ASB18: variants seen among roughly 807,000 people sequenced by gnomAD.
ASB18 encodes ankyrin repeat and SOCS box protein 18.
Under a neutral mutation model 33.4 loss-of-function variants are expected in ASB18, and 33 were observed. The observed-to-expected ratio is 0.99, with a 90% CI of 0.75 to 1.32. ASB18 has a LOEUF of 1.32. Ranked by LOEUF, ASB18 falls within the 40% of genes most tolerant of loss-of-function variation. The pLI is 0.00. For missense variants in ASB18, 694 were observed against 655.5 expected (o/e 1.06, Z -0.64); for synonymous variants, 295 against 307.6 (o/e 0.96, Z 0.43).
chr2:236,251,942 G>A lies in ASB18; in HGVS notation c.206-10540C>T, dbSNP rs2060670452. ...TCTATACTGAGTTTACATGTACAGA[G>A]CATTTTTCAGGTACAAGAAGCTTAC... is the stretch of plus-strand genomic sequence containing the variant. On this transcript the variant is annotated intron_variant, in intron 1 of 5. Transcript: ENST00000409749. This position sits in a 1 kb window ranked among gnomAD's most constrained non-coding sequence, Gnocchi z 5.3. Among the ~76,000 whole-genome samples, 1 of 152,146 alleles carries A rather than the reference G, an allele frequency of 6.6e-6. No individual in the cohort carries two copies. Among genetic ancestry groups the A allele is most frequent in the Non-Finnish European group, 1.5e-5 (1 of 68,026 alleles).
At position 236,259,530 on chromosome 2, in the gene ASB18, A is replaced by C. The variant is rs1159865411; in HGVS notation, c.205+4611T>G. 1 of 471,064 alleles carries C rather than the reference A, an allele frequency of 2.1e-6. No homozygotes were observed. The highest frequency in any genetic ancestry group is 4.4e-6 in the Non-Finnish European group (1 of 227,034). The allele number at this position is 471,064 out of a possible 1,614,324, so 29.2% of individuals were successfully genotyped here. The stretch of plus-strand genomic sequence containing the variant: ...AGGGAGGATGCACGATTTCTGTCCC[A>C]GTGGGAAGGGATGGCCTTCCAGTGG... On this transcript the variant is annotated intron_variant, in intron 1 of 5. Transcript: ENST00000409749. This position sits in a 1 kb window ranked among gnomAD's most constrained non-coding sequence, Gnocchi z 4.4.
chr2:236,206,294 A>G (rs191175716), intron 4 of ASB18, among the ~76,000 whole-genome samples: 9 of 152,196 alleles, frequency 5.9e-5, no homozygotes, highest in East Asian at 1.9e-4. Flanking sequence ...GTTTAATCCA[A>G]TCATGGTAAA....
rs1254632343 is a variant in ASB18, at chr2:236,244,751, A to G, written c.206-3349T>C. On this transcript the variant is annotated intron_variant, in intron 1 of 5. Coordinates refer to ENST00000409749, the MANE Select transcript of ASB18 (RefSeq NM_212556.4). The surrounding 1 kb of genome is among the most constrained non-coding windows in gnomAD (Gnocchi z 6.1). ...CTTCTATAACTAAGGAGTGCTCAGC[A>G]AAGGGAGACCTTTGATTTTCCTTAC... Among the ~76,000 whole-genome samples the G allele has an allele frequency of 1.3e-5, 2 of 152,202 alleles. No individual in the cohort carries two copies. Among genetic ancestry groups the G allele is most frequent in the African/African-American group, 4.8e-5 (2 of 41,460 alleles).
At position 236,252,914 on chromosome 2, in the gene ASB18, C is replaced by T. The variant is rs367772111; in HGVS notation, c.205+11227G>A. 2.6e-5 allele frequency among the ~76,000 whole-genome samples: 4 copies of T among 152,234 alleles called. No homozygotes were observed. The highest frequency in any genetic ancestry group is 3.2e-3 in the Middle Eastern group (1 of 316). ...CATCACCTAAGAACACTCCTCCCAACGTGGCCAGATCCAGTGATGGATCCA... is the reference window on the plus strand; with the variant it reads ...CATCACCTAAGAACACTCCTCCCAATGTGGCCAGATCCAGTGATGGATCCA... On this transcript the variant is annotated intron_variant, in intron 1 of 5. Transcript: ENST00000409749. This position sits in a 1 kb window ranked among gnomAD's most constrained non-coding sequence, Gnocchi z 7.9.
rs941419940 is a variant in ASB18, at chr2:236,225,152, C to T, written c.597-10286G>A. On this transcript the variant is annotated intron_variant, in intron 3 of 5. Coordinates refer to ENST00000409749, the MANE Select transcript of ASB18 (RefSeq NM_212556.4). The surrounding 1 kb of genome is among the most constrained non-coding windows in gnomAD (Gnocchi z 5.1). ...TTTTTGTTTTTTTAAGACAGAGTCT[C>T]ACTCTGTCACTCAGGTTGCAGTGCA... Among the ~76,000 whole-genome samples, 2 of 152,112 alleles carry T rather than the reference C, an allele frequency of 1.3e-5. No homozygotes were observed. The highest frequency in any genetic ancestry group is 4.1e-4 in the South Asian group (2 of 4,822).
chr2:236,242,349 C>T (rs1038323744), intron 1 of ASB18, among the ~76,000 whole-genome samples: 9 of 152,230 alleles, frequency 5.9e-5, no homozygotes, highest in South Asian at 2.1e-4. Flanking sequence ...TTTCTCCAAG[C>T]GAAGGCGGTG....
At chr2:236,198,981 C>T (rs2060386812) in intron 4 of ASB18, among the ~76,000 whole-genome samples, 1 of 152,140 alleles carries the variant, frequency 6.6e-6, no homozygotes, top group Admixed American at 6.5e-5. Context: ...TAATGTTTCA[C>T]CATAAATATA....
chr2:236,237,663 C>A lies in ASB18; in HGVS notation c.596+26G>T. The stretch of plus-strand genomic sequence containing the variant: ...GTCTGGTCTCGGGGCGGGGCGGACG[C>A]CGCGGGCCTGTCCCGAGGTCCTTAC... On this transcript the variant is annotated intron_variant, in intron 3 of 5. Coordinates refer to ENST00000409749, the MANE Select transcript of ASB18 (RefSeq NM_212556.4). The surrounding 1 kb of genome is among the most constrained non-coding windows in gnomAD (Gnocchi z 6.2). 7.2e-7 allele frequency: 1 copy of A among 1,384,506 alleles called. No homozygotes were observed. Among genetic ancestry groups the A allele is most frequent in the Non-Finnish European group, 9.3e-7 (1 of 1,077,124 alleles). The allele number at this position is 1,384,506 out of a possible 1,614,324, so 85.8% of individuals were successfully genotyped here.
rs1024855775 is a variant in ASB18 at position 236,223,203 on chromosome 2, C to A, written c.597-8337G>T. ...GCCAATTAAGCTTTTTTTCTTATAA[C>A]TTTCACAGTGTCAAGTATTTCTTTA... On this transcript the variant is annotated intron_variant, in intron 3 of 5. Transcript: ENST00000409749. The surrounding 1 kb of genome is among the most constrained non-coding windows in gnomAD (Gnocchi z 4.6). 4.6e-5 allele frequency among the ~76,000 whole-genome samples: 7 copies of A among 152,194 alleles called. No individual in the cohort carries two copies. Among genetic ancestry groups the A allele is most frequent in the African/African-American group, 1.4e-4 (6 of 41,440 alleles).
Position 236,194,636 on chromosome 2 carries a change from C to G in ASB18, c.*236G>C, listed in dbSNP as rs2060362479. Among the ~76,000 whole-genome samples, 1 of 152,168 alleles carries G rather than the reference C, an allele frequency of 6.6e-6. No individual in the cohort carries two copies. The highest frequency in any genetic ancestry group is 2.1e-4 in the South Asian group (1 of 4,832). On this transcript the variant is annotated 3_prime_UTR_variant, in exon 6 of 6. Coordinates refer to ENST00000409749, the MANE Select transcript of ASB18 (RefSeq NM_212556.4). The surrounding 1 kb of genome is among the most constrained non-coding windows in gnomAD (Gnocchi z 4.5). ...TTCCCAGACCAAGTGCTGTGATAGT[C>G]ACGATTTCACTGGATTTTCACAAGC...
rs1386258799 is a variant in ASB18, at chr2:236,250,067, G to T, written c.206-8665C>A. ...AGGAGTTTTTGCCTCTGGATCAAAT[G>T]AGATGAAAAGGGTAAAATCCACCTT... is the stretch of plus-strand genomic sequence containing the variant. On this transcript the variant is annotated intron_variant, in intron 1 of 5. Transcript: ENST00000409749. This position sits in a 1 kb window ranked among gnomAD's most constrained non-coding sequence, Gnocchi z 4.1. 3 of 152,202 alleles carry T rather than the reference G, an allele frequency of 2.0e-5. No homozygotes were observed. The highest frequency in any genetic ancestry group is 7.2e-5 in the African/African-American group (3 of 41,448). The allele number at this position is 152,202 out of a possible 1,614,324, so 9.4% of individuals were successfully genotyped here.
At position 236,214,450 on chromosome 2, in the gene ASB18, G is replaced by C. The variant is rs751717266; in HGVS notation, c.1013C>G (p.Ser338Cys). 3 of 1,537,778 alleles carry C rather than the reference G, an allele frequency of 2.0e-6. No homozygotes were observed. Among genetic ancestry groups the C allele is most frequent in the Non-Finnish European group, 2.6e-6 (3 of 1,148,930 alleles). Residue 338 changes from serine (S) to cysteine (C), a missense_variant, in exon 4 of 6, where the codon TCC becomes TGC. Physicochemically the swap from Ser to Cys is moderately radical, Grantham distance 112. Coordinates refer to ENST00000409749, the MANE Select transcript of ASB18 (RefSeq NM_212556.4). The surrounding 1 kb of genome is among the most constrained non-coding windows in gnomAD (Gnocchi z 6.5). ...SPLGRVLQTA[S>C]CALQASPQRT... ...CTGCGGTGAGGCCTGGAGAGCGCAG[G>C]ATGCGGTCTGGAGCACGCGGCCCAG...
In ASB18 at chr2:236,255,643, A is replaced by G. The variant is rs1268679974; in HGVS notation, c.205+8498T>C. Among the ~76,000 whole-genome samples the G allele has an allele frequency of 6.6e-6, 1 of 152,210 alleles. No homozygotes were observed. Among genetic ancestry groups the G allele is most frequent in the Admixed American group, 6.5e-5 (1 of 15,286 alleles). ...CTATCTTCTGCTTTACCTAAGTAAA[A>G]GAGTCAGGTGTTTTCTTTCCAAATT... On this transcript the variant is annotated intron_variant, in intron 1 of 5. Transcript: ENST00000409749. The surrounding 1 kb of genome is among the most constrained non-coding windows in gnomAD (Gnocchi z 4.4).
chr2:236,255,879 C>T lies in ASB18; in HGVS notation c.205+8262G>A, dbSNP rs1160484496. ...CCTTGGGTGCACTACGTTTCCTGCT[C>T]GCCTCCCTTTATCTGGGCTTCCTTC... is the stretch of plus-strand genomic sequence containing the variant. On this transcript the variant is annotated intron_variant, in intron 1 of 5. Transcript: ENST00000409749. This position sits in a 1 kb window ranked among gnomAD's most constrained non-coding sequence, Gnocchi z 4.4. 2.6e-5 allele frequency among the ~76,000 whole-genome samples: 4 copies of T among 152,162 alleles called. No homozygotes were observed. Among genetic ancestry groups the T allele is most frequent in the East Asian group, 1.9e-4 (1 of 5,188 alleles).
rs1427288487 is a variant in ASB18, at chr2:236,239,731, C to G, written c.328+1549G>C. Among the ~76,000 whole-genome samples, 5 of 152,246 alleles carry G rather than the reference C, an allele frequency of 3.3e-5. No individual in the cohort carries two copies. The highest frequency in any genetic ancestry group is 1.2e-4 in the African/African-American group (5 of 41,462). On this transcript the variant is annotated intron_variant, in intron 2 of 5. Transcript: ENST00000409749. The surrounding 1 kb of genome is among the most constrained non-coding windows in gnomAD (Gnocchi z 5.6). ...CTGCTCCCTGTACTCAGATCAATCC[C>G]TTCCCCACCAGGGGAGCTGGAATTG...
In ASB18 at chr2:236,208,839, G is replaced by A. The variant is rs556603621; in HGVS notation, c.1101+5523C>T. Among the ~76,000 whole-genome samples the A allele has an allele frequency of 5.2e-4, 79 of 152,288 alleles. No individual in the cohort carries two copies. The highest frequency in any genetic ancestry group is 1.8e-3 in the African/African-American group (76 of 41,552). Reference sequence around the variant, plus strand: ...GCCTCCTTGCTGTCTGCGGAGAGGCGGCTGCCACATTACTCTGACATGCTG... The same window carrying A: ...GCCTCCTTGCTGTCTGCGGAGAGGCAGCTGCCACATTACTCTGACATGCTG... On this transcript the variant is annotated intron_variant, in intron 4 of 5. Transcript: ENST00000409749. This position sits in a 1 kb window ranked among gnomAD's most constrained non-coding sequence, Gnocchi z 7.7.
At position 236,211,319 on chromosome 2, in the gene ASB18, G is replaced by T. The variant is rs1363327416; in HGVS notation, c.1101+3043C>A. 6.6e-6 allele frequency among the ~76,000 whole-genome samples: 1 copy of T among 152,188 alleles called. No homozygotes were observed. Among genetic ancestry groups the T allele is most frequent in the Admixed American group, 6.5e-5 (1 of 15,284 alleles). ...AACTAGCGGTCAGCCAGGCAGAAAGGCCTGGCACTGTCAACACGTGGGCTT... is the reference window on the plus strand; with the variant it reads ...AACTAGCGGTCAGCCAGGCAGAAAGTCCTGGCACTGTCAACACGTGGGCTT... On this transcript the variant is annotated intron_variant, in intron 4 of 5. Coordinates refer to ENST00000409749, the MANE Select transcript of ASB18 (RefSeq NM_212556.4). The surrounding 1 kb of genome is among the most constrained non-coding windows in gnomAD (Gnocchi z 5.0).
rs116649535 is a variant in ASB18 at position 236,216,658 on chromosome 2, G to A, written c.597-1792C>T. Among the ~76,000 whole-genome samples, 2,285 of 152,230 alleles carry A rather than the reference G, an allele frequency of 0.015. 30 individuals are homozygous for A. Among genetic ancestry groups the A allele is most frequent in the African/African-American group, 0.035 (1,450 of 41,546 alleles). On this transcript the variant is annotated intron_variant, in intron 3 of 5. Coordinates refer to ENST00000409749, the MANE Select transcript of ASB18 (RefSeq NM_212556.4). This position sits in a 1 kb window ranked among gnomAD's most constrained non-coding sequence, Gnocchi z 6.1. ...CTTTGTTGAGGCCACATCGTTTCTC[G>A]GAATGCTTATAAGTCTCTTCATTTG...
chr2:236,227,363 A>C (rs1296855655), intron 3 of ASB18, among the ~76,000 whole-genome samples: 1 of 152,260 alleles, frequency 6.6e-6, no homozygotes. Flanking sequence ...AAAGAAATAC[A>C]GTGATTAGAC....
Sources: gnomAD v4.1 joint callset for allele counts (sites outside exome capture counted in the v4.1 genomes callset) on GRCh38, gnomAD v4.1.1 for gene constraint, Gnocchi (gnomAD v3.1) non-coding constraint, MANE v1.5 for transcripts, NCBI Gene and HGNC (gene_info 2026-07-23, HGNC 2026-07-21) for gene names.